Variants in CRTC1 observed in about 807,000 individuals in gnomAD.
CRTC1 encodes CREB regulated transcription coactivator 1.
CRTC1 carries 18 observed loss-of-function variants against 66.1 expected under a neutral mutation model. The ratio of observed to expected loss-of-function variants is 0.27; its 90% CI spans 0.19 to 0.40. CRTC1 has a LOEUF of 0.40. CRTC1 is among the 10% of genes least tolerant of loss of function. The pLI is 1.00. For synonymous variants in CRTC1, 416 were observed against 398.8 expected (o/e 1.04, Z -0.51); for missense variants, 669 against 887.9 (o/e 0.75, Z 3.13).
In CRTC1 at chr19:18,780,352, C is replaced by T. The variant is rs2055080075; in HGVS notation, c.*2970C>T. 1.3e-5 allele frequency: 3 copies of T among 232,004 alleles called. No individual in the cohort carries two copies. The highest frequency in any genetic ancestry group is 2.6e-5 in the Non-Finnish European group (3 of 117,340). The allele number at this position is 232,004 out of a possible 1,614,324, so 14.4% of individuals were successfully genotyped here. A position where few individuals can be genotyped will look rare whatever the true frequency, so the allele number is the denominator to read the frequency against. On this transcript the variant is annotated 3_prime_UTR_variant, in exon 14 of 14. Coordinates refer to ENST00000321949, the MANE Select transcript of CRTC1 (RefSeq NM_015321.3). Reference sequence around the variant, plus strand: ...CGTCCCCACCTTCCTGTTTCGCCGACGTCACTACCCAGGGTGGCAAGTCTT... The same window carrying T: ...CGTCCCCACCTTCCTGTTTCGCCGATGTCACTACCCAGGGTGGCAAGTCTT...
At chr19:18,764,526 A>G (rs866310383) in intron 8 of CRTC1, among the ~76,000 whole-genome samples, 3 of 152,242 alleles carry the variant, frequency 2.0e-5, no homozygotes, top group Admixed American at 1.3e-4. Context: ...ACCCAGCTTC[A>G]TCACTGCAGC....
At chr19:18,733,122 C>T (rs1429984380) in intron 1 of CRTC1, among the ~76,000 whole-genome samples, 1 of 152,078 alleles carries the variant, frequency 6.6e-6, no homozygotes, top group African/African-American at 2.4e-5. Flanking sequence ...AGACAGCCCT[C>T]CCGGCTGGGG....
intron 1 of CRTC1, among the ~76,000 whole-genome samples, chr19:18,702,811 C>T (rs2053177638): frequency 6.6e-6 from 1 of 151,920 alleles, no homozygotes; most frequent in Admixed American, 6.6e-5. Flanking sequence ...TGGGATTACA[C>T]AGGAGATAGT....
intron 1 of CRTC1, 62 bp downstream of exon 1, chr19:18,683,890 CGGCGCGTGCACGGGGCGGGGTGGGGGGG>C: frequency 3.7e-6 from 2 of 534,774 alleles, no homozygotes; most frequent in Middle Eastern, 9.4e-4. Context: ...GGCGCGTGTC[CGGCGCGTGCACGGGGCGGGGTGGGGGGG>C]GGCGCGGCGG....
At chr19:18,700,551 CTT>C (rs1231873824) in intron 1 of CRTC1, among the ~76,000 whole-genome samples, 2 of 151,900 alleles carry the variant, frequency 1.3e-5, no homozygotes, top group Non-Finnish European at 2.9e-5. Flanking sequence ...TGTTTCAAAA[CTT>C]TGATTAAAAT....
chr19:18,775,627 G>A lies in CRTC1; in HGVS notation c.1513-14G>A. 1 of 1,556,922 alleles carries A rather than the reference G, an allele frequency of 6.4e-7. No homozygotes were observed. Among genetic ancestry groups the A allele is most frequent in the South Asian group, 1.2e-5 (1 of 83,486 alleles). On this transcript the variant is annotated splice_polypyrimidine_tract_variant and intron_variant, in intron 12 of 13. Coordinates refer to ENST00000321949, the MANE Select transcript of CRTC1 (RefSeq NM_015321.3). ...CGCGGTGGCCCTCACAGCCTGGTGT[G>A]CCTCCCTTCCCAGCTGGAGCAGTTC...
intron 4 of CRTC1, among the ~76,000 whole-genome samples, chr19:18,747,947 C>T (rs1362436578): frequency 6.6e-6 from 1 of 151,940 alleles, no homozygotes; most frequent in Non-Finnish European, 1.5e-5. Context: ...TGTAGTAGTG[C>T]ACGCCTGTAC....
intron 1 of CRTC1, among the ~76,000 whole-genome samples, chr19:18,725,146 C>A (rs1020739386): frequency 2.6e-5 from 4 of 152,132 alleles, no homozygotes; most frequent in African/African-American, 9.7e-5. Flanking sequence ...GCACTCTAGG[C>A]CAGCGTCCCT....
At chr19:18,685,701 C>A (rs2052670196) in intron 1 of CRTC1, among the ~76,000 whole-genome samples, 3 of 152,066 alleles carry the variant, frequency 2.0e-5, no homozygotes, top group Admixed American at 2.0e-4. Flanking sequence ...GAGCATCCTT[C>A]CACGTGAGTG....
intron 4 of CRTC1, among the ~76,000 whole-genome samples, chr19:18,748,470 C>T (rs2054293933): frequency 6.9e-6 from 1 of 145,676 alleles, no homozygotes; most frequent in African/African-American, 2.5e-5. Flanking sequence ...CCACCCATCT[C>T]GGCCTCCCAA....
At chr19:18,705,705 T>A (rs2053246646) in intron 1 of CRTC1, among the ~76,000 whole-genome samples, 1 of 152,228 alleles carries the variant, frequency 6.6e-6, no homozygotes, top group Admixed American at 6.5e-5. Flanking sequence ...GTATAAGGAT[T>A]TCAGTTTCTC....
intron 1 of CRTC1, among the ~76,000 whole-genome samples, chr19:18,687,871 G>C (rs1343995358): frequency 6.6e-6 from 1 of 151,932 alleles, no homozygotes; most frequent in Non-Finnish European, 1.5e-5. Context: ...CGGAGGGGTG[G>C]GTGTGTGGGC....
intron 1 of CRTC1, among the ~76,000 whole-genome samples, chr19:18,695,995 G>A (rs895238832): frequency 6.6e-6 from 1 of 152,152 alleles, no homozygotes; most frequent in Non-Finnish European, 1.5e-5. Flanking sequence ...GTGTGTGCCG[G>A]GAGCATGCAG....
rs2054575790 is a variant in CRTC1, at chr19:18,759,933, C to CCTGCCAGCCCCCTGTCCCCG, written c.666-74_666-73insTGCCAGCCCCCTGTCCCCGC. 3 of 991,314 alleles carry CCTGCCAGCCCCCTGTCCCCG rather than the reference C, an allele frequency of 3.0e-6. No homozygotes were observed. The African/African-American group carries it at 7.5e-5, about 25-fold the overall frequency. 61.4% of individuals were successfully genotyped at this position (991,314 alleles called of 1,614,324 possible). A position where few individuals can be genotyped will look rare whatever the true frequency, so the allele number is the denominator to read the frequency against. Reference sequence around the variant, plus strand: ...GGCCTTTTGCACCCGCTGATTTTCTCCCGCCAGCCCCCTGTCCCCGCCGCC... The same window carrying CCTGCCAGCCCCCTGTCCCCG: ...GGCCTTTTGCACCCGCTGATTTTCTCCTGCCAGCCCCCTGTCCCCGCCGCCAGCCCCCTGTCCCCGCCGCC... On this transcript the variant is annotated intron_variant, in intron 7 of 13. Transcript: ENST00000321949.
intron 1 of CRTC1, among the ~76,000 whole-genome samples, chr19:18,705,598 C>T (rs951753005): frequency 4.6e-5 from 7 of 152,152 alleles, no homozygotes; most frequent in South Asian, 2.1e-4. Context: ...GGATTACAGG[C>T]GTGAACCACC....
chr19:18,760,314 G>A lies in CRTC1; in HGVS notation c.886+86G>A, dbSNP rs996679148. The A allele has an allele frequency of 1.4e-5, 16 of 1,171,678 alleles. No individual in the cohort carries two copies. Among genetic ancestry groups the A allele is most frequent in the East Asian group, 5.1e-5 (2 of 38,886 alleles). 72.6% of individuals were successfully genotyped at this position (1,171,678 alleles called of 1,614,324 possible). Reference sequence around the variant, plus strand: ...CTGCAGGATGACTTGGCAGAGTCCCGTTCCAAATACTAGGGCATGGGGGAC... The same window carrying A: ...CTGCAGGATGACTTGGCAGAGTCCCATTCCAAATACTAGGGCATGGGGGAC... On this transcript the variant is annotated intron_variant, in intron 8 of 13. Transcript: ENST00000321949. This position sits in a 1 kb window ranked among gnomAD's most constrained non-coding sequence, Gnocchi z 6.2.
chr19:18,749,888 G>C lies in CRTC1; in HGVS notation c.538+13G>C. The C allele has an allele frequency of 3.7e-6, 6 of 1,609,002 alleles. No homozygotes were observed. Among genetic ancestry groups the C allele is most frequent in the Non-Finnish European group, 5.1e-6 (6 of 1,175,564 alleles). Reference sequence around the variant, plus strand: ...CACCAGAAAAGAGGTATGGACAGGGGACTCGGGTGTCTCTGCTGGGGTGAG... The same window carrying C: ...CACCAGAAAAGAGGTATGGACAGGGCACTCGGGTGTCTCTGCTGGGGTGAG... On this transcript the variant is annotated intron_variant, in intron 5 of 13. Coordinates refer to ENST00000321949, the MANE Select transcript of CRTC1 (RefSeq NM_015321.3).
At chr19:18,770,514 G>A (rs1555788573) in intron 10 of CRTC1, among the ~76,000 whole-genome samples, 1 of 152,218 alleles carries the variant, frequency 6.6e-6, no homozygotes, top group Non-Finnish European at 1.5e-5. Flanking sequence ...AGGGCACACA[G>A]TCAGCGAGAG....
chr19:18,706,913 C>G (rs1436580559), intron 1 of CRTC1, among the ~76,000 whole-genome samples: 1 of 152,006 alleles, frequency 6.6e-6, no homozygotes, highest in Non-Finnish European at 1.5e-5. Context: ...TGTAAGAGTT[C>G]TTTATATAGT....
Sources: gnomAD v4.1 joint callset for allele counts (sites outside exome capture counted in the v4.1 genomes callset) on GRCh38, gnomAD v4.1.1 for gene constraint, Gnocchi (gnomAD v3.1) non-coding constraint, MANE v1.5 for transcripts, NCBI Gene and HGNC (gene_info 2026-07-23, HGNC 2026-07-21) for gene names.